Variants in CFAP210 observed in about 807,000 individuals in gnomAD.
CFAP210 encodes cilia and flagella associated protein 210, also known as cilia- and flagella- associated protein 210.
At chr2:169,674,786 A>T in the CFAP210 span, 1 of 1,531,826 alleles carries the variant, frequency 6.5e-7, no homozygotes, top group Non-Finnish European at 8.7e-7. Context: ...AAGAAAAATT[A>T]TAGTACTTTA....
At chr2:169,685,659 A>T in the CFAP210 span, among the ~76,000 whole-genome samples, 3 of 151,990 alleles carry the variant, frequency 2.0e-5, no homozygotes, top group African/African-American at 7.2e-5. Context: ...TTTTGGTGTC[A>T]TATCTAAGAA....
At chr2:169,654,021 T>A in the CFAP210 span, 1 of 1,488,620 alleles carries the variant, frequency 6.7e-7, no homozygotes, top group Admixed American at 2.1e-5. Flanking sequence ...ATAATAATCA[T>A]AAAATCATAA....
chr2:169,646,671 A>G, the CFAP210 span, among the ~76,000 whole-genome samples: 1 of 152,222 alleles, frequency 6.6e-6, no homozygotes, highest in African/African-American at 2.4e-5. Context: ...TATTTCCCGA[A>G]AATTTAAAAT....
At chr2:169,687,883 C>G in the CFAP210 span, among the ~76,000 whole-genome samples, 22 of 152,320 alleles carry the variant, frequency 1.4e-4, no homozygotes, top group East Asian at 3.1e-3. Flanking sequence ...AAACTTTTGC[C>G]TGGACATCCA....
chr2:169,691,366 T>C, the CFAP210 span, among the ~76,000 whole-genome samples: 1 of 152,250 alleles, frequency 6.6e-6, no homozygotes, highest in East Asian at 1.9e-4. Flanking sequence ...TCTTTAAATA[T>C]ATTTACAATA....
the CFAP210 span, among the ~76,000 whole-genome samples, chr2:169,662,027 G>A: frequency 6.6e-6 from 1 of 151,822 alleles, no homozygotes; most frequent in African/African-American, 2.4e-5. Context: ...CCTAGTGGGG[G>A]GACTATAGTT....
At chr2:169,662,311 T>C in the CFAP210 span, 1 of 1,602,930 alleles carries the variant, frequency 6.2e-7, no homozygotes, top group East Asian at 2.2e-5. Context: ...ATGCATCTCT[T>C]CTCTTTTCTT....
chr2:169,671,628 T>C, the CFAP210 span, among the ~76,000 whole-genome samples: 2 of 152,108 alleles, frequency 1.3e-5, no homozygotes, highest in Non-Finnish European at 1.5e-5. Flanking sequence ...GCCACCATGC[T>C]TGGCTAATTT....
chr2:169,669,763 A>G, the CFAP210 span, among the ~76,000 whole-genome samples: 7 of 144,910 alleles, frequency 4.8e-5, no homozygotes, highest in African/African-American at 1.8e-4. Context: ...CGACACAGCG[A>G]GACTCCGTCT....
At chr2:169,674,987 C>A in the CFAP210 span, 1 of 1,542,852 alleles carries the variant, frequency 6.5e-7, no homozygotes, top group South Asian at 1.3e-5. Flanking sequence ...GTCTTTCTGC[C>A]TCTATTTCTT....
chr2:169,651,353 T>C, the CFAP210 span, among the ~76,000 whole-genome samples: 1 of 151,640 alleles, frequency 6.6e-6, no homozygotes, highest in African/African-American at 2.4e-5. Flanking sequence ...TATGTACCAC[T>C]GTACTCCAGC....
At chr2:169,666,658 A>G in the CFAP210 span, among the ~76,000 whole-genome samples, 1 of 151,940 alleles carries the variant, frequency 6.6e-6, no homozygotes, top group Non-Finnish European at 1.5e-5. Flanking sequence ...AAATAAGACA[A>G]TGAAGTTTGC....
At chr2:169,647,755 A>C in the CFAP210 span, among the ~76,000 whole-genome samples, 1 of 152,368 alleles carries the variant, frequency 6.6e-6, no homozygotes, top group African/African-American at 2.4e-5. Context: ...TGGAGTAAAA[A>C]GGTAACTCAT....
the CFAP210 span, chr2:169,675,107 A>G: frequency 9.5e-7 from 1 of 1,055,478 alleles, no homozygotes; most frequent in Non-Finnish European, 1.3e-6. Context: ...GTTTAACATA[A>G]TAATATGATA....
At chr2:169,689,778 A>G in the CFAP210 span, among the ~76,000 whole-genome samples, 1 of 152,168 alleles carries the variant, frequency 6.6e-6, no homozygotes, top group Admixed American at 6.5e-5. Context: ...ATTCCCTTCT[A>G]TTCCCAGTTT....
At chr2:169,694,381 C>T in the CFAP210 span, 3 of 1,565,538 alleles carry the variant, frequency 1.9e-6, no homozygotes, top group Non-Finnish European at 2.6e-6. Context: ...CGGACGCCAG[C>T]CGGTGGAGTT....
chr2:169,649,300 T>A, the CFAP210 span: 1 of 1,613,398 alleles, frequency 6.2e-7, no homozygotes. Context: ...CAATTGTTCT[T>A]TAGCCTCTAT....
At chr2:169,667,539 C>T in the CFAP210 span, among the ~76,000 whole-genome samples, 6 of 152,094 alleles carry the variant, frequency 3.9e-5, no homozygotes, top group Admixed American at 2.0e-4. Flanking sequence ...ATGGCAGCTA[C>T]AGTCTTATGA....
chr2:169,653,050 A>G, the CFAP210 span, among the ~76,000 whole-genome samples: 37 of 102,388 alleles, frequency 3.6e-4, no homozygotes, highest in African/African-American at 1.3e-3. Context: ...ATATATATAT[A>G]TATATATATA....
Sources: gnomAD v4.1 joint callset for allele counts (sites outside exome capture counted in the v4.1 genomes callset) on GRCh38, gnomAD v4.1.1 for gene constraint, MANE v1.5 for transcripts, NCBI Gene and HGNC (gene_info 2026-07-23, HGNC 2026-07-21) for gene names.